The following CSMD3 variants were observed in gnomAD, a reference collection of about 807,000 sequenced individuals.
CSMD3 encodes the protein CUB and Sushi multiple domains 3, also known as CUB and sushi domain-containing protein 3.
A neutral mutation model predicts 435.2 loss-of-function variants in CSMD3; 177 were observed. That is an observed-to-expected ratio of 0.41 (90% CI 0.36 to 0.46). CSMD3 has a LOEUF of 0.46. Among genes scored for constraint, CSMD3 ranks in the 20% least tolerant of loss-of-function variants. The probability of loss-of-function intolerance (pLI) is 0.34; values close to 1 mark genes in which losing one functional copy is unlikely to be tolerated. For synonymous variants in CSMD3, 1,656 were observed against 1,520.5 expected (o/e 1.09, Z -2.07); for missense variants, 4,265 against 4,504.6 (o/e 0.95, Z 1.52).
chr8:112,921,714 A>C lies in CSMD3; in HGVS notation c.1546T>G (p.Tyr516Asp), dbSNP rs2082749309. The change falls in exon 10 of 71, where the codon TAT (tyrosine) becomes GAT (aspartate). Residue 516 changes from tyrosine to aspartate, a missense_variant. Tyr to Asp is a radical substitution (Grantham distance 160). Around this residue, in one of 3 missense-constraint regions of CSMD3, gnomAD observed 731 missense variants for 755.4 expected, o/e 0.97. Transcript: ENST00000297405. The stretch of plus-strand genomic sequence containing the variant: ...ATGCTCTTTGCGCCCTGTAGGACAT[A>C]ATCTTCATCACAAGAGAACTGCACA... ...STVQFSCDED[Y>D]VLQGAKSITC... 1.2e-6 allele frequency: 2 copies of C among 1,610,732 alleles called. No individual in the cohort carries two copies. Among genetic ancestry groups the C allele is most frequent in the Non-Finnish European group, 1.7e-6 (2 of 1,177,268 alleles).
chr8:113,166,902 T>A (rs2092160964), intron 4 of CSMD3, among the ~76,000 whole-genome samples: 1 of 152,202 alleles, frequency 6.6e-6, no homozygotes, highest in Non-Finnish European at 1.5e-5. Context: ...TAGTTATTAC[T>A]AGTTGTTGAA....
At chr8:112,349,386 G>C (rs573551685) in intron 40 of CSMD3, among the ~76,000 whole-genome samples, 78 of 151,954 alleles carry the variant, frequency 5.1e-4, no homozygotes, top group Non-Finnish European at 1.0e-3. Flanking sequence ...AGTATCCCAA[G>C]CCTTTACATT....
In CSMD3 at chr8:112,289,428, C is replaced by T. The variant is rs770058253; in HGVS notation, c.9085G>A (p.Gly3029Ser). ...AATTGGCAGGTTCTTGATGACTGGC[C>T]TAAAAGGGAACGCTTTCCTGTGCAG... ...YSCTGKRSLL[G>S]QSSRTCQLNG... Residue 3029 changes from glycine (G) to serine (S), a missense_variant, in exon 57 of 71, where the codon GGC becomes AGC. Physicochemically the swap from Gly to Ser is moderately conservative, Grantham distance 56. This residue lies in a region of CSMD3 where 3,255 missense variants were observed against 3,380.2 expected (regional missense o/e 0.96). Transcript: ENST00000297405. The T allele has an allele frequency of 6.2e-6, 10 of 1,613,238 alleles. No homozygotes were observed. The Admixed American group carries it at 8.4e-5, about 13-fold the overall frequency.
chr8:112,241,285 T>G (rs1025472837), intron 66 of CSMD3, among the ~76,000 whole-genome samples: 5 of 152,072 alleles, frequency 3.3e-5, no homozygotes, highest in Admixed American at 2.0e-4. Flanking sequence ...GTGCTAGGTT[T>G]TCTAATTTGC....
At chr8:112,699,594 A>G (rs558093604) in intron 13 of CSMD3, among the ~76,000 whole-genome samples, 1 of 152,352 alleles carries the variant, frequency 6.6e-6, no homozygotes, top group South Asian at 2.1e-4. Flanking sequence ...GAAATTGGTG[A>G]TGTTCTCATG....
intron 9 of CSMD3, among the ~76,000 whole-genome samples, chr8:112,931,100 T>A (rs2083092740): frequency 6.6e-6 from 1 of 152,096 alleles, no homozygotes; most frequent in African/African-American, 2.4e-5. Context: ...CATGAATCAA[T>A]TAGCTTTTTA....
At chr8:112,456,639 C>T (rs890541521) in intron 32 of CSMD3, among the ~76,000 whole-genome samples, 3 of 152,134 alleles carry the variant, frequency 2.0e-5, no homozygotes, top group Admixed American at 2.0e-4. Flanking sequence ...CTTGTTGATA[C>T]TTACAAAAAT....
At chr8:113,251,030 CATG>C (rs578195906) in intron 3 of CSMD3, among the ~76,000 whole-genome samples, 13 of 151,850 alleles carry the variant, frequency 8.6e-5, no homozygotes, top group Admixed American at 8.5e-4. Flanking sequence ...AAAATGAGTA[CATG>C]AAGAGTAAAT....
At chr8:112,926,243 T>TGTGC (rs1245641122) in intron 9 of CSMD3, among the ~76,000 whole-genome samples, 2 of 151,002 alleles carry the variant, frequency 1.3e-5, no homozygotes, top group African/African-American at 4.9e-5. Context: ...ATTAAATATG[T>TGTGC]GTGTGTGTGT....
chr8:113,357,541 A>G (rs1237135281), intron 1 of CSMD3, among the ~76,000 whole-genome samples: 2 of 152,264 alleles, frequency 1.3e-5, no homozygotes, highest in Non-Finnish European at 2.9e-5. Flanking sequence ...TTAATTCAAT[A>G]AACACAACGT....
rs76428920 is a variant in CSMD3 at position 112,610,922 on chromosome 8, C to G, written c.3716-23687G>C. 3.0e-3 allele frequency among the ~76,000 whole-genome samples: 458 copies of G among 152,246 alleles called. 1 individual carries two copies. Among genetic ancestry groups the G allele is most frequent in the African/African-American group, 0.011 (437 of 41,556 alleles). ...CAGAAAGAAGCTTCATGCTTTCTTC[C>G]TCTGTATCTTCGAGTTGCATTGAAA... On this transcript the variant is annotated intron_variant, in intron 22 of 70. Transcript: ENST00000297405.
At chr8:112,404,312 G>T (rs918500826) in intron 35 of CSMD3, among the ~76,000 whole-genome samples, 3 of 151,910 alleles carry the variant, frequency 2.0e-5, no homozygotes, top group Admixed American at 6.6e-5. Flanking sequence ...GGTGGATCAC[G>T]ATGTCAGGAG....
intron 10 of CSMD3, among the ~76,000 whole-genome samples, chr8:112,879,588 G>C (rs927787550): frequency 1.3e-5 from 2 of 151,984 alleles, no homozygotes; most frequent in Non-Finnish European, 2.9e-5. Context: ...ATAAAAACTT[G>C]CTGGTTTTGT....
intron 22 of CSMD3, among the ~76,000 whole-genome samples, chr8:112,597,923 C>CA (rs1330724030): frequency 2.2e-5 from 3 of 134,514 alleles, no homozygotes; most frequent in African/African-American, 8.7e-5. Flanking sequence ...ACTGAATGGG[C>CA]AAAAACTGGA....
chr8:112,572,715 A>C (rs1390272674), intron 24 of CSMD3, among the ~76,000 whole-genome samples: 3 of 152,122 alleles, frequency 2.0e-5, no homozygotes, highest in African/African-American at 7.2e-5. Flanking sequence ...GATCTGACAG[A>C]TTGTAAATTT....
intron 51 of CSMD3, among the ~76,000 whole-genome samples, chr8:112,305,503 C>A (rs2130783494): frequency 6.6e-6 from 1 of 152,110 alleles, no homozygotes; most frequent in South Asian, 2.1e-4. Context: ...GAATTAATGT[C>A]TTATCATTAT....
intron 58 of CSMD3, among the ~76,000 whole-genome samples, chr8:112,281,789 T>C (rs369758448): frequency 6.6e-6 from 1 of 152,320 alleles, no homozygotes; most frequent in Non-Finnish European, 1.5e-5. Context: ...ACAATTTTAA[T>C]ATTGTAAGCA....
intron 9 of CSMD3, among the ~76,000 whole-genome samples, chr8:112,939,209 A>C (rs2083375490): frequency 6.6e-6 from 1 of 152,142 alleles, no homozygotes; most frequent in Non-Finnish European, 1.5e-5. Context: ...AAGTGAGTAA[A>C]GTAAAAGAGA....
intron 22 of CSMD3, among the ~76,000 whole-genome samples, chr8:112,591,450 A>G (rs1214843815): frequency 6.6e-6 from 1 of 152,118 alleles, no homozygotes; most frequent in African/African-American, 2.4e-5. Context: ...TATTGTACAC[A>G]TACAGTCATA....
Sources: gnomAD v4.1 joint callset for allele counts (sites outside exome capture counted in the v4.1 genomes callset) on GRCh38, gnomAD v4.1.1 for gene constraint, gnomAD v4.1.1 regional missense constraint, MANE v1.5 for transcripts, NCBI Gene and HGNC (gene_info 2026-07-23, HGNC 2026-07-21) for gene names.